The following STS variants were observed in gnomAD, a reference collection of about 807,000 sequenced individuals.
STS encodes steryl-sulfatase.
A neutral mutation model predicts 26.8 loss-of-function variants in STS; 7 were observed. The observed-to-expected ratio is 0.26, with a 90% CI of 0.15 to 0.49. The LOEUF is 0.49. STS is among the 20% of genes least tolerant of loss of function. STS has a pLI of 0.98. For missense variants in STS, 434 were observed against 465.6 expected (o/e 0.93, Z 0.63); for synonymous variants, 199 against 189.4 (o/e 1.05, Z -0.42).
intron 2 of STS, among the ~76,000 whole-genome samples, chrX:7,237,066 T>C (rs1922348501): frequency 9.0e-6 from 1 of 110,524 alleles, no homozygotes; most frequent in African/African-American, 3.3e-5. Flanking sequence ...ATCCTTTTAT[T>C]TTTCTTTGAG....
intron 8 of STS, among the ~76,000 whole-genome samples, chrX:7,322,848 T>C (rs776109245): frequency 3.6e-5 from 4 of 112,051 alleles, no homozygotes; most frequent in Non-Finnish European, 7.5e-5. Context: ...GTGACCATCT[T>C]CTGAGATTAT....
chrX:7,246,262 CTT>C (rs373058144), intron 2 of STS, among the ~76,000 whole-genome samples: 10 of 95,705 alleles, frequency 1.0e-4, no homozygotes, highest in African/African-American at 1.9e-4. Context: ...TTGGGAGAGA[CTT>C]TTTTTTTTTT....
At chrX:7,148,970 T>C (rs1192241307) in intron 1 of STS, among the ~76,000 whole-genome samples, 1 of 111,154 alleles carries the variant, frequency 9.0e-6, no homozygotes, top group African/African-American at 3.3e-5. Flanking sequence ...CCGTTTGCCA[T>C]CGTCAAAAAA....
At chrX:7,331,206 A>G (rs754246354) in intron 9 of STS, among the ~76,000 whole-genome samples, 5 of 111,736 alleles carry the variant, frequency 4.5e-5, no homozygotes, top group African/African-American at 1.3e-4. Flanking sequence ...AATGACGTCA[A>G]TAGGGTTCAG....
chrX:7,349,864 C>T (rs1601769706), intron 10 of STS, 24 bp from the exon 11 acceptor site: 4 of 1,211,327 alleles, frequency 3.3e-6, no homozygotes, highest in East Asian at 5.9e-5. Context: ...TACCTAATGC[C>T]GTTTCCATCC....
chrX:7,229,751 T>C (rs1921975934), intron 2 of STS, among the ~76,000 whole-genome samples: 1 of 111,517 alleles, frequency 9.0e-6, no homozygotes, highest in Non-Finnish European at 1.9e-5. Flanking sequence ...CAGGGTCAGC[T>C]GGATTCTTCC....
At chrX:7,331,450 G>GT (rs1221849860) in intron 9 of STS, among the ~76,000 whole-genome samples, 4 of 109,923 alleles carry the variant, frequency 3.6e-5, no homozygotes, top group Non-Finnish European at 5.7e-5. Context: ...AACACATTCA[G>GT]TTTTTTTTAG....
intron 7 of STS, among the ~76,000 whole-genome samples, chrX:7,292,025 A>G (rs1307092531): frequency 3.6e-5 from 4 of 112,458 alleles, no homozygotes; most frequent in Non-Finnish European, 7.5e-5. Context: ...AAAAACCTAG[A>G]GAAAACAAGC....
At chrX:7,251,057 T>A in intron 2 of STS, among the ~76,000 whole-genome samples, 1 of 112,487 alleles carries the variant, frequency 8.9e-6, no homozygotes, top group East Asian at 2.8e-4. Flanking sequence ...CATGCAAATC[T>A]GTGTGTCTGT....
rs1172040064 is a variant in STS, at chrX:7,350,908, C to A, written c.*647C>A. On this transcript the variant is annotated 3_prime_UTR_variant, in exon 11 of 11. Transcript: ENST00000674429. ...ATATAGTTATGCATACATACACACACACACATACAGTATATTCTTTCCTCA... is the reference window on the plus strand; with the variant it reads ...ATATAGTTATGCATACATACACACAAACACATACAGTATATTCTTTCCTCA... The A allele has an allele frequency of 8.9e-6, 1 of 112,450 alleles. No homozygotes were observed. Among genetic ancestry groups the A allele is most frequent in the Non-Finnish European group, 1.9e-5 (1 of 53,546 alleles). 9.3% of individuals were successfully genotyped at this position (112,450 alleles called of 1,213,427 possible).
intron 2 of STS, among the ~76,000 whole-genome samples, chrX:7,234,474 G>T (rs1922221537): frequency 8.9e-6 from 1 of 112,018 alleles, no homozygotes; most frequent in African/African-American, 3.2e-5. Flanking sequence ...GGAAATAGAG[G>T]GACAGAGCAA....
chrX:7,321,986 A>G (rs1201796149), intron 8 of STS, among the ~76,000 whole-genome samples: 1 of 112,479 alleles, frequency 8.9e-6, no homozygotes, highest in African/African-American at 3.2e-5. Context: ...TGTTGGTCAT[A>G]TAGGGGCCAC....
At chrX:7,255,141 A>G (rs1253685450) in intron 3 of STS, among the ~76,000 whole-genome samples, 1 of 112,450 alleles carries the variant, frequency 8.9e-6, no homozygotes, top group East Asian at 2.8e-4. Flanking sequence ...ACTTTGCATC[A>G]AATGTTGCTT....
chrX:7,178,822 G>A (rs753579294), intron 1 of STS, among the ~76,000 whole-genome samples: 26 of 107,046 alleles, frequency 2.4e-4, no homozygotes, highest in Admixed American at 5.1e-4. Context: ...AGTGGTAACT[G>A]GCTTTCTCTA....
intron 2 of STS, among the ~76,000 whole-genome samples, chrX:7,204,556 C>A (rs1283938561): frequency 1.1e-5 from 1 of 88,190 alleles, no homozygotes; most frequent in Non-Finnish European, 2.2e-5. Flanking sequence ...TCCCTTCCTT[C>A]CCTTCCTTTT....
At chrX:7,261,719 G>A (rs944344552) in intron 6 of STS, among the ~76,000 whole-genome samples, 2 of 111,572 alleles carry the variant, frequency 1.8e-5, no homozygotes, top group African/African-American at 3.3e-5. Context: ...ACAACATCAC[G>A]GATTATGCAA....
intron 6 of STS, among the ~76,000 whole-genome samples, chrX:7,266,925 C>T (rs1462662268): frequency 1.8e-5 from 2 of 112,031 alleles, no homozygotes; most frequent in Non-Finnish European, 3.8e-5. Context: ...GTGCACCTCC[C>T]ACACCCATTG....
chrX:7,258,290 T>C (rs756239499), intron 5 of STS, among the ~76,000 whole-genome samples: 1 of 109,470 alleles, frequency 9.1e-6, no homozygotes, highest in South Asian at 3.9e-4. Context: ...GATAGATAGA[T>C]AGATAGATGT....
chrX:7,294,366 T>G (rs1046701073), intron 7 of STS, among the ~76,000 whole-genome samples: 1 of 110,942 alleles, frequency 9.0e-6, no homozygotes, highest in African/African-American at 3.3e-5. Context: ...AATCAAGTTA[T>G]CAATTATCAT....
Sources: allele counts gnomAD v4.1 joint callset (sites outside exome capture counted in the v4.1 genomes callset), GRCh38; gene constraint gnomAD v4.1.1; transcripts MANE v1.5; gene names NCBI Gene and HGNC (gene_info 2026-07-23, HGNC 2026-07-21).